CFAP53: variants seen among roughly 807,000 people sequenced by gnomAD.
CFAP53 encodes the protein cilia and flagella associated protein 53.
Under a neutral mutation model 59.7 loss-of-function variants are expected in CFAP53, and 62 were observed. The observed-to-expected ratio is 1.04, with a 90% CI of 0.85 to 1.28. CFAP53 has a LOEUF of 1.28. Ranked by LOEUF, CFAP53 falls within the 50% of genes most tolerant of loss-of-function variation. The pLI, the probability that CFAP53 is intolerant of heterozygous loss-of-function variation, is 0.00. For missense variants in CFAP53, 629 were observed against 615.6 expected (o/e 1.02, Z -0.23); for synonymous variants, 218 against 205.7 (o/e 1.06, Z -0.51).
At chr18:50,264,461 A>C (rs1482137782) in intron 1 of CFAP53, among the ~76,000 whole-genome samples, 1 of 152,226 alleles carries the variant, frequency 6.6e-6, no homozygotes, top group East Asian at 1.9e-4. Context: ...TCAAATGAGC[A>C]AAATAAGTAT....
chr18:50,236,812 T>A (rs976218030), intron 7 of CFAP53, among the ~76,000 whole-genome samples: 14 of 152,188 alleles, frequency 9.2e-5, no homozygotes, highest in African/African-American at 3.4e-4. Context: ...AGGTGAGCCG[T>A]GTTGACCCAC....
chr18:50,254,179 TC>T (rs1178749708), intron 3 of CFAP53, among the ~76,000 whole-genome samples: 1 of 145,628 alleles, frequency 6.9e-6, no homozygotes. Context: ...AAACCACGTA[TC>T]GGACAAAGAA....
Position 50,237,304 on chromosome 18 carries a change from CAAAAAAA to C in CFAP53, c.1316+1292_1316+1298del, listed in dbSNP as rs143356494. ...TAGGTGACAGAGCAAGACTCCATCT[CAAAAAAA>C]AAAAAAAAAAAAAAAAAAATATATA... is the stretch of plus-strand genomic sequence containing the variant. On this transcript the variant is annotated intron_variant, in intron 7 of 7. Coordinates refer to ENST00000398545, the MANE Select transcript of CFAP53 (RefSeq NM_145020.5). 5.2e-3 allele frequency among the ~76,000 whole-genome samples: 48 copies of C among 9,320 alleles called. 1 individual carries two copies. Among genetic ancestry groups the C allele is most frequent in the Admixed American group, 0.011 (3 of 276 alleles). 6.1% of individuals were successfully genotyped at this position (9,320 alleles called of 152,430 possible).
At chr18:50,229,086 A>AAAAAAC (rs976146212) in intron 7 of CFAP53, among the ~76,000 whole-genome samples, 1 of 152,186 alleles carries the variant, frequency 6.6e-6, no homozygotes, top group Non-Finnish European at 1.5e-5. Flanking sequence ...AGACCTTGTC[A>AAAAAAC]AAAAACAAAA....
At chr18:50,238,765 T>C (rs1457314068) in intron 6 of CFAP53, 60 bp from the exon 7 acceptor site, 5 of 1,240,462 alleles carry the variant, frequency 4.0e-6, no homozygotes, top group Non-Finnish European at 4.7e-6. Flanking sequence ...TGCCAACATC[T>C]TTCTGGGCAC....
Position 50,243,047 on chromosome 18 carries a change from G to A in CFAP53, c.1066C>T (p.Gln356Ter), listed in dbSNP as rs868197962. 1.9e-6 allele frequency: 3 copies of A among 1,613,526 alleles called. No individual in the cohort carries two copies. The highest frequency in any genetic ancestry group is 2.5e-6 in the Non-Finnish European group (3 of 1,179,890). The change falls in exon 6 of 8, where the codon CAG becomes TAG. Residue 356 changes from glutamine to a stop codon, truncating the protein, a stop_gained. Coordinates refer to ENST00000398545, the MANE Select transcript of CFAP53 (RefSeq NM_145020.5). LOFTEE classifies it high-confidence loss of function. ...AATATTCTGTCAAATTCTTTCTCCTGAGCTTTTTCTTCCTCACGTCTCTGT... is the reference window on the plus strand; with the variant it reads ...AATATTCTGTCAAATTCTTTCTCCTAAGCTTTTTCTTCCTCACGTCTCTGT... ...LAQRREEEKA[Q>*]EKEFDRILEE...
At position 50,251,606 on chromosome 18, in the gene CFAP53, G is replaced by C. The variant is rs1319292119; in HGVS notation, c.652C>G (p.Gln218Glu). 1 of 1,614,156 alleles carries C rather than the reference G, an allele frequency of 6.2e-7. No individual in the cohort carries two copies. Among genetic ancestry groups the C allele is most frequent in the South Asian group, 1.1e-5 (1 of 91,080 alleles). Reference sequence around the variant, plus strand: ...AGCTCTTTCTGTCTCCTCGCCTCTTGGGCTTCTCGCTTTTCCTTGGCTAAT... The same window carrying C: ...AGCTCTTTCTGTCTCCTCGCCTCTTCGGCTTCTCGCTTTTCCTTGGCTAAT... ...DRLAKEKREAQEARRQKELME... is the reference protein window; with the variant it reads ...DRLAKEKREAEEARRQKELME... The change falls in exon 4 of 8, where the codon CAA becomes GAA. Residue 218 changes from glutamine (Q) to glutamate (E), a missense_variant. By Grantham distance (29) the Gln-to-Glu change is conservative (BLOSUM62 2). Coordinates refer to ENST00000398545, the MANE Select transcript of CFAP53 (RefSeq NM_145020.5).
intron 1 of CFAP53, among the ~76,000 whole-genome samples, chr18:50,264,168 C>T (rs1211213311): frequency 6.6e-6 from 1 of 152,138 alleles, no homozygotes; most frequent in Non-Finnish European, 1.5e-5. Flanking sequence ...ATTTCAAGTG[C>T]TCAAATGCTA....
At chr18:50,235,552 C>T (rs996874120) in intron 7 of CFAP53, among the ~76,000 whole-genome samples, 9 of 151,924 alleles carry the variant, frequency 5.9e-5, no homozygotes, top group South Asian at 2.1e-4. Context: ...TTGACAAGAG[C>T]GAAATTCTGT....
At chr18:50,245,403 A>T (rs1034672517) in intron 5 of CFAP53, among the ~76,000 whole-genome samples, 1 of 151,820 alleles carries the variant, frequency 6.6e-6, no homozygotes, top group South Asian at 2.1e-4. Context: ...AAAAAAAAAA[A>T]AAAAAACTAA....
intron 3 of CFAP53, 90 bp from the exon 4 acceptor site, chr18:50,251,874 C>A: frequency 8.7e-7 from 1 of 1,154,056 alleles, no homozygotes; most frequent in Non-Finnish European, 1.2e-6. Flanking sequence ...CACAATGAAG[C>A]AAGAAAAATC....
chr18:50,240,775 G>A (rs2033683289), intron 6 of CFAP53, among the ~76,000 whole-genome samples: 1 of 152,184 alleles, frequency 6.6e-6, no homozygotes, highest in Non-Finnish European at 1.5e-5. Flanking sequence ...GTAATTCCTG[G>A]AGTGAAGAAT....
chr18:50,235,262 C>T (rs1452064867), intron 7 of CFAP53, among the ~76,000 whole-genome samples: 2 of 152,184 alleles, frequency 1.3e-5, no homozygotes, highest in East Asian at 3.9e-4. Context: ...CTACTTCTCC[C>T]ATCTATAATA....
Position 50,261,240 on chromosome 18 carries a change from G to C in CFAP53, c.300-3C>G. The C allele has an allele frequency of 9.1e-7, 1 of 1,104,220 alleles. No homozygotes were observed. The allele number at this position is 1,104,220 out of a possible 1,614,324, so 68.4% of individuals were successfully genotyped here. On this transcript the variant is annotated splice_region_variant and splice_polypyrimidine_tract_variant and intron_variant, in intron 2 of 7. Transcript: ENST00000398545. The stretch of plus-strand genomic sequence containing the variant: ...CTAATGCTAAAAGCTCACGTAGCCT[G>C]AAACAAAAAGCCAAAAAAAAAAAAA...
At chr18:50,248,362 T>C (rs1301700814) in intron 5 of CFAP53, among the ~76,000 whole-genome samples, 4 of 152,234 alleles carry the variant, frequency 2.6e-5, no homozygotes, top group African/African-American at 4.8e-5. Flanking sequence ...GGATTGCTCA[T>C]GTATTGCTGG....
rs1330300498 is a variant in CFAP53 at position 50,259,382 on chromosome 18, T to C, written c.473+1682A>G. On this transcript the variant is annotated intron_variant, in intron 3 of 7. Coordinates refer to ENST00000398545, the MANE Select transcript of CFAP53 (RefSeq NM_145020.5). ...GACAAACATTGCATGTTCTCACTAGTTTGTGGGATCTAAAAATCAAAACAA... is the reference window on the plus strand; with the variant it reads ...GACAAACATTGCATGTTCTCACTAGCTTGTGGGATCTAAAAATCAAAACAA... Among the ~76,000 whole-genome samples, 4 of 151,888 alleles carry C rather than the reference T, an allele frequency of 2.6e-5. No homozygotes were observed. In the East Asian group the frequency reaches 5.8e-4, roughly 22 times the overall value.
chr18:50,229,703 AT>A (rs1311889952), intron 7 of CFAP53, among the ~76,000 whole-genome samples: 17 of 142,534 alleles, frequency 1.2e-4, no homozygotes, highest in African/African-American at 3.9e-4. Context: ...TATAAGCCAC[AT>A]TTTTTTCTTT....
At chr18:50,242,724 G>A (rs1388832940) in intron 6 of CFAP53, among the ~76,000 whole-genome samples, 176 bp downstream of exon 6, 3 of 152,096 alleles carry the variant, frequency 2.0e-5, no homozygotes, top group African/African-American at 7.2e-5. Context: ...GGAATCTGCT[G>A]GTCTCTTCAT....
chr18:50,264,627 G>C (rs1432799848), intron 1 of CFAP53, among the ~76,000 whole-genome samples: 3 of 152,198 alleles, frequency 2.0e-5, no homozygotes, highest in Non-Finnish European at 4.4e-5. Context: ...ACACAATTCT[G>C]CTACCTCTAA....
Sources: allele counts gnomAD v4.1 joint callset (sites outside exome capture counted in the v4.1 genomes callset), GRCh38; gene constraint gnomAD v4.1.1; transcripts MANE v1.5; gene names NCBI Gene and HGNC (gene_info 2026-07-23, HGNC 2026-07-21).